The following GRIK3 variants were observed in gnomAD, a reference collection of about 807,000 sequenced individuals.
GRIK3 encodes glutamate receptor ionotropic, kainate 3.
Under a neutral mutation model 102.5 loss-of-function variants are expected in GRIK3, and 29 were observed. The observed-to-expected ratio is 0.28, with a 90% confidence interval of 0.21 to 0.39. The LOEUF is 0.39. Ranked by LOEUF, GRIK3 falls within the 10% of genes least tolerant of loss-of-function variation. GRIK3 has a pLI of 1.00. For synonymous variants in GRIK3, 511 were observed against 504.9 expected (o/e 1.01, Z -0.16); for missense variants, 908 against 1,252.4 (o/e 0.73, Z 4.15).
chr1:36,938,114 G>A lies in GRIK3; in HGVS notation c.116-47018C>T, dbSNP rs113711711. On this transcript the variant is annotated intron_variant, in intron 1 of 15. Coordinates refer to ENST00000373091, the MANE Select transcript of GRIK3 (RefSeq NM_000831.4). ...AGAGAGAAAGACACATGCAATTTCA[G>A]TGCAATCTGCACCTGCAGAAAAGGC... Among the ~76,000 whole-genome samples the A allele has an allele frequency of 6.3e-3, 963 of 152,354 alleles. 14 individuals are homozygous for A. Among genetic ancestry groups the A allele is most frequent in the African/African-American group, 0.022 (916 of 41,584 alleles).
chr1:36,962,526 A>G (rs1642023065), intron 1 of GRIK3, among the ~76,000 whole-genome samples: 1 of 151,800 alleles, frequency 6.6e-6, no homozygotes, highest in Admixed American at 6.6e-5. Context: ...AACCCAGAAG[A>G]CCTGGAGACT....
At chr1:36,831,705 C>T (rs1438237708) in intron 10 of GRIK3, among the ~76,000 whole-genome samples, 2 of 152,204 alleles carry the variant, frequency 1.3e-5, no homozygotes, top group Non-Finnish European at 2.9e-5. Context: ...GCGGGCCACA[C>T]ATGGCTGTCA....
At chr1:36,922,452 G>A (rs1641484267) in intron 1 of GRIK3, among the ~76,000 whole-genome samples, 2 of 152,174 alleles carry the variant, frequency 1.3e-5, no homozygotes, top group Admixed American at 1.3e-4. Context: ...CTCCCCATGA[G>A]CCAGCATCTA....
chr1:36,809,428 C>G (rs371968463), intron 13 of GRIK3, among the ~76,000 whole-genome samples: 2 of 152,178 alleles, frequency 1.3e-5, no homozygotes, highest in Non-Finnish European at 2.9e-5. Flanking sequence ...TCATCCATCC[C>G]TTTCTCCTTC....
chr1:36,952,000 C>T (rs1178940845), intron 1 of GRIK3, among the ~76,000 whole-genome samples: 2 of 152,154 alleles, frequency 1.3e-5, no homozygotes, highest in Non-Finnish European at 2.9e-5. Flanking sequence ...ATGTTCCTGC[C>T]AGTCAGCCAC....
chr1:36,853,794 C>T (rs966843410), intron 7 of GRIK3, 72 bp from the exon 8 acceptor site: 2 of 851,826 alleles, frequency 2.3e-6, no homozygotes, highest in Admixed American at 1.7e-5. Flanking sequence ...CTGTACAATG[C>T]TTCATTTTAA....
chr1:36,895,562 A>G (rs1002906711), intron 1 of GRIK3, among the ~76,000 whole-genome samples: 2 of 152,210 alleles, frequency 1.3e-5, no homozygotes, highest in Non-Finnish European at 2.9e-5. Flanking sequence ...GAGCTTGAGG[A>G]TATCTCAATA....
At chr1:36,994,930 G>T (rs1277199617) in intron 1 of GRIK3, among the ~76,000 whole-genome samples, 1 of 152,136 alleles carries the variant, frequency 6.6e-6, no homozygotes, top group East Asian at 1.9e-4. Flanking sequence ...AGTTCTCCTT[G>T]TTCAACTTCA....
chr1:36,820,743 C>G (rs978566048), intron 11 of GRIK3, among the ~76,000 whole-genome samples: 1 of 152,118 alleles, frequency 6.6e-6, no homozygotes, highest in Non-Finnish European at 1.5e-5. Context: ...AGCATCCTAT[C>G]CCCCGGAGAG....
At position 36,908,760 on chromosome 1, in the gene GRIK3, G is replaced by A. The variant is rs1219129585; in HGVS notation, c.116-17664C>T. Among the ~76,000 whole-genome samples the A allele has an allele frequency of 5.3e-5, 8 of 151,018 alleles. No individual in the cohort carries two copies. In the Admixed American group the frequency reaches 5.3e-4, roughly 10 times the overall value. ...TAAAATGGAGCAGAGACACTGAGGC[G>A]GCTAAGAAATGGGATAGGGTGTGTG... On this transcript the variant is annotated intron_variant, in intron 1 of 15. Transcript: ENST00000373091.
At chr1:36,839,260 G>A (rs566124106) in intron 10 of GRIK3, among the ~76,000 whole-genome samples, 1 of 152,172 alleles carries the variant, frequency 6.6e-6, no homozygotes, top group Admixed American at 6.6e-5. Context: ...CATAAACGCA[G>A]GGGAATGGAT....
At chr1:36,870,081 G>A (rs902450050) in intron 4 of GRIK3, among the ~76,000 whole-genome samples, 1 of 152,234 alleles carries the variant, frequency 6.6e-6, no homozygotes, top group African/African-American at 2.4e-5. Flanking sequence ...GGGCCCGTGG[G>A]GTCTAGCTGC....
chr1:36,868,724 A>G (rs957448400), intron 5 of GRIK3, among the ~76,000 whole-genome samples: 19 of 152,340 alleles, frequency 1.2e-4, no homozygotes, highest in African/African-American at 4.1e-4. Flanking sequence ...TTCCTTCTGC[A>G]TACAATGTCC....
At chr1:36,814,484 C>T (rs1642598395) in intron 13 of GRIK3, among the ~76,000 whole-genome samples, 1 of 147,794 alleles carries the variant, frequency 6.8e-6, no homozygotes, top group South Asian at 2.1e-4. Flanking sequence ...CATATGCATG[C>T]ATGGACCATT....
intron 7 of GRIK3, among the ~76,000 whole-genome samples, chr1:36,853,970 G>C (rs528971526): frequency 6.6e-6 from 1 of 152,230 alleles, no homozygotes; most frequent in African/African-American, 2.4e-5. Context: ...TCTTGGATGC[G>C]CTCAAATGAG....
At chr1:36,919,052 G>C (rs1305469704) in intron 1 of GRIK3, among the ~76,000 whole-genome samples, 2 of 152,230 alleles carry the variant, frequency 1.3e-5, no homozygotes, top group Non-Finnish European at 2.9e-5. Context: ...AGATGATGAG[G>C]AGCCCATAGA....
intron 1 of GRIK3, among the ~76,000 whole-genome samples, chr1:36,905,768 T>C (rs1161550080): frequency 6.6e-6 from 1 of 152,180 alleles, no homozygotes; most frequent in African/African-American, 2.4e-5. Flanking sequence ...AAGTATGTAT[T>C]ATTACTTCAA....
intron 15 of GRIK3, among the ~76,000 whole-genome samples, 157 bp from the exon 16 acceptor site, chr1:36,802,202 ATGATTAGTTT>A (rs1449230367): frequency 6.6e-6 from 1 of 152,092 alleles, no homozygotes; most frequent in Non-Finnish European, 1.5e-5. Context: ...CACCTGCAGG[ATGATTAGTTT>A]GTGCAGCAGT....
chr1:36,872,392 A>C lies in GRIK3; in HGVS notation c.551-23T>G, dbSNP rs1235812322. The C allele has an allele frequency of 2.6e-6, 4 of 1,555,378 alleles. No homozygotes were observed. In the East Asian group the frequency reaches 9.2e-5, roughly 36 times the overall value. On this transcript the variant is annotated intron_variant, in intron 3 of 15. Transcript: ENST00000373091. The surrounding 1 kb of genome is among the most constrained non-coding windows in gnomAD (Gnocchi z 5.9). ...GCCCTGAGGGGCCATGGAGCACAAAAGACACACGTGTACCACATGTATCCA... is the reference window on the plus strand; with the variant it reads ...GCCCTGAGGGGCCATGGAGCACAAACGACACACGTGTACCACATGTATCCA...
Sources: gnomAD v4.1 joint callset for allele counts (sites outside exome capture counted in the v4.1 genomes callset) on GRCh38, gnomAD v4.1.1 for gene constraint, Gnocchi (gnomAD v3.1) non-coding constraint, MANE v1.5 for transcripts, NCBI Gene and HGNC (gene_info 2026-07-23, HGNC 2026-07-21) for gene names.